Variants in GABRG1 observed in about 807,000 individuals in gnomAD.
GABRG1 encodes gamma-aminobutyric acid type A receptor subunit gamma1, also known as gamma-aminobutyric acid receptor subunit gamma-1.
A neutral mutation model predicts 49.8 loss-of-function variants in GABRG1; 49 were observed. That is an observed-to-expected ratio of 0.98 (90% confidence interval 0.78 to 1.25). GABRG1 has a LOEUF of 1.25. GABRG1 is among the 50% of genes most tolerant of loss of function. The pLI is 0.00. For synonymous variants in GABRG1, 232 were observed against 185.1 expected, an observed-to-expected ratio of 1.25 and a Z score of -2.06; for missense variants, 552 against 552.3, an observed-to-expected ratio of 1.00 and a Z score of 0.01.
intron 3 of GABRG1, among the ~76,000 whole-genome samples, chr4:46,070,662 G>A (rs1056478825): frequency 1.3e-5 from 2 of 151,998 alleles, no homozygotes; most frequent in African/African-American, 4.8e-5. Flanking sequence ...AAGAGAGAAA[G>A]GGAAAAGAGA....
At chr4:46,070,454 A>G (rs1224616209) in intron 3 of GABRG1, among the ~76,000 whole-genome samples, 2 of 152,012 alleles carry the variant, frequency 1.3e-5, no homozygotes, top group Non-Finnish European at 2.9e-5. Context: ...CCAGTTCTTA[A>G]GAAGTTACAA....
At position 46,065,524 on chromosome 4, in the gene GABRG1, T is replaced by G; in HGVS notation, c.382A>C (p.Ser128Arg). 2 of 1,609,258 alleles carry G rather than the reference T, an allele frequency of 1.2e-6. No individual in the cohort carries two copies. The highest frequency in any genetic ancestry group is 2.2e-5 in the South Asian group (2 of 90,994). Residue 128 changes from serine (S) to arginine (R), a missense_variant, in exon 4 of 9, where the codon AGT (serine) becomes CGT (arginine). Ser to Arg is a moderately radical substitution (Grantham distance 110, BLOSUM62 -1). Transcript: ENST00000295452. ...TTAAGCATAAGCACTTTCATGGTAC[T>G]ATTGAATTTTAAACGACTGTCAAAC... is the stretch of plus-strand genomic sequence containing the variant. The part of the protein sequence containing the change: ...TWFDSRLKFN[S>R]TMKVLMLNSN...
intron 3 of GABRG1, among the ~76,000 whole-genome samples, chr4:46,067,551 G>T (rs1718964162): frequency 6.6e-6 from 1 of 152,064 alleles, no homozygotes; most frequent in South Asian, 2.1e-4. Flanking sequence ...CTTGCATCAT[G>T]ACCCTCTCTT....
intron 3 of GABRG1, among the ~76,000 whole-genome samples, chr4:46,077,640 C>G (rs1024550475): frequency 1.3e-5 from 2 of 151,614 alleles, no homozygotes; most frequent in African/African-American, 4.8e-5. Flanking sequence ...TGCCTTTTCC[C>G]TTCTCTCTCA....
At chr4:46,044,255 T>C (rs1396129407) in intron 8 of GABRG1, among the ~76,000 whole-genome samples, 1 of 152,090 alleles carries the variant, frequency 6.6e-6, no homozygotes, top group Non-Finnish European at 1.5e-5. Context: ...GGCAGATTTC[T>C]TGAGCCCAGG....
chr4:46,074,226 C>T (rs2109415684), intron 3 of GABRG1, among the ~76,000 whole-genome samples: 1 of 152,240 alleles, frequency 6.6e-6, no homozygotes, highest in African/African-American at 2.4e-5. Context: ...CTGCCCTGTA[C>T]TAAAAATATT....
intron 3 of GABRG1, among the ~76,000 whole-genome samples, chr4:46,083,532 A>G (rs929037439): frequency 1.3e-5 from 2 of 151,692 alleles, no homozygotes; most frequent in South Asian, 2.1e-4. Context: ...TTTTGCCTCA[A>G]TTCCTTACTT....
At chr4:46,048,590 AGAAG>A (rs548887445) in intron 8 of GABRG1, among the ~76,000 whole-genome samples, 29 of 147,976 alleles carry the variant, frequency 2.0e-4, no homozygotes, top group East Asian at 2.1e-4. Context: ...CTTACTGGAA[AGAAG>A]GAAGGAAGGA....
intron 3 of GABRG1, among the ~76,000 whole-genome samples, chr4:46,080,608 T>C (rs1035026122): frequency 6.6e-6 from 1 of 151,812 alleles, no homozygotes; most frequent in African/African-American, 2.4e-5. Flanking sequence ...TTTAATACCA[T>C]TAATCTTTTA....
chr4:46,062,888 A>G (rs2109406587), intron 5 of GABRG1, among the ~76,000 whole-genome samples: 1 of 152,164 alleles, frequency 6.6e-6, no homozygotes, highest in Middle Eastern at 3.4e-3. Flanking sequence ...ACAAACAGAG[A>G]GCCAAATCAT....
At chr4:46,116,063 C>T (rs887205243) in intron 1 of GABRG1, among the ~76,000 whole-genome samples, 1 of 150,682 alleles carries the variant, frequency 6.6e-6, no homozygotes, top group Non-Finnish European at 1.5e-5. Context: ...AACAGTATAG[C>T]TTGCCAACTT....
At chr4:46,041,857 T>C (rs993401487) in intron 8 of GABRG1, among the ~76,000 whole-genome samples, 2 of 152,016 alleles carry the variant, frequency 1.3e-5, no homozygotes, top group Non-Finnish European at 2.9e-5. Context: ...GCTGGAATTA[T>C]ACTTGCACCT....
intron 2 of GABRG1, among the ~76,000 whole-genome samples, chr4:46,087,784 T>C (rs1719835568): frequency 6.6e-6 from 1 of 151,934 alleles, no homozygotes; most frequent in African/African-American, 2.4e-5. Flanking sequence ...AGCTCGAGTT[T>C]AGATACTTCT....
At chr4:46,101,341 G>A (rs978232641) in intron 1 of GABRG1, among the ~76,000 whole-genome samples, 17 of 151,378 alleles carry the variant, frequency 1.1e-4, no homozygotes, top group African/African-American at 4.1e-4. Flanking sequence ...ATAATCTAGG[G>A]TGGTTCGGTT....
In GABRG1 at chr4:46,051,595, G is replaced by A; in HGVS notation, c.960C>T (p.Ala320=). ...AAGAAACCTTAGGTAAAGACTTCCT[G>A]GCAATTGTACTCAGGGTTGTCATAG... ...VLTMTTLSTI[A]RKSLPKVSYV... Residue 320 remains alanine (A), a synonymous_variant, in exon 8 of 9, where the codon GCC becomes GCT. Transcript: ENST00000295452. The A allele has an allele frequency of 1.2e-6, 2 of 1,610,986 alleles. No homozygotes were observed. Among genetic ancestry groups the A allele is most frequent in the Non-Finnish European group, 1.7e-6 (2 of 1,178,044 alleles).
At chr4:46,072,613 G>A (rs2109414535) in intron 3 of GABRG1, among the ~76,000 whole-genome samples, 1 of 152,094 alleles carries the variant, frequency 6.6e-6, no homozygotes. Context: ...TTGAGTGGAT[G>A]TAATATATTA....
chr4:46,110,748 A>G (rs1720687402), intron 1 of GABRG1, among the ~76,000 whole-genome samples: 1 of 151,124 alleles, frequency 6.6e-6, no homozygotes, highest in South Asian at 2.1e-4. Flanking sequence ...ATTAAAAAAA[A>G]CATGTAATCA....
At position 46,058,630 on chromosome 4, in the gene GABRG1, G is replaced by A; in HGVS notation, c.626-8C>T. On this transcript the variant is annotated splice_region_variant and splice_polypyrimidine_tract_variant and intron_variant, in intron 5 of 8. Coordinates refer to ENST00000295452, the MANE Select transcript of GABRG1 (RefSeq NM_173536.4). ...CATTTTTAGGGTATCCATCTATAGA[G>A]AAAAAATACATAGATTAGCAAGATC... 1 of 1,603,372 alleles carries A rather than the reference G, an allele frequency of 6.2e-7. No individual in the cohort carries two copies. Among genetic ancestry groups the A allele is most frequent in the South Asian group, 1.1e-5 (1 of 89,646 alleles).
At position 46,040,902 on chromosome 4, in the gene GABRG1, TAAATTTAAA is replaced by T. The variant is rs1336400339; in HGVS notation, c.*77_*85del. ...TTTAACCATTGGTCTCTCTGCATTT[TAAATTTAAA>T]CTTCAAGTTACTGAAGCACAAAAGA... On this transcript the variant is annotated 3_prime_UTR_variant, in exon 9 of 9. Coordinates refer to ENST00000295452, the MANE Select transcript of GABRG1 (RefSeq NM_173536.4). The T allele has an allele frequency of 2.8e-5, 38 of 1,357,992 alleles. No individual in the cohort carries two copies. In the East Asian group the frequency reaches 7.6e-4, roughly 27 times the overall value. The allele number at this position is 1,357,992 out of a possible 1,614,324, so 84.1% of individuals were successfully genotyped here. A position where few individuals can be genotyped will look rare whatever the true frequency, so the allele number is the denominator to read the frequency against.
Sources: gnomAD v4.1 joint callset for allele counts (sites outside exome capture counted in the v4.1 genomes callset) on GRCh38, gnomAD v4.1.1 for gene constraint, MANE v1.5 for transcripts, NCBI Gene and HGNC (gene_info 2026-07-23, HGNC 2026-07-21) for gene names.